Variants in GLT1D1 observed in about 807,000 individuals in gnomAD.
The protein encoded by GLT1D1 is glycosyltransferase 1 domain-containing protein 1.
A neutral mutation model predicts 28.7 loss-of-function variants in GLT1D1; 21 were observed. The observed-to-expected ratio is 0.73, with a 90% CI of 0.52 to 1.05. The LOEUF (loss-of-function observed/expected upper bound fraction) is 1.05. GLT1D1 is among the 50% of genes least tolerant of loss of function. The pLI is 0.00. For synonymous variants in GLT1D1, 147 were observed against 124.8 expected (o/e 1.18, Z -1.19); for missense variants, 343 against 330.6 (o/e 1.04, Z -0.29).
rs1158646264 is a variant in GLT1D1 at position 128,952,535 on chromosome 12, C to T, written c.541-5010C>T. On this transcript the variant is annotated intron_variant, in intron 6 of 7. Coordinates refer to ENST00000281703, the MANE Select transcript of GLT1D1 (RefSeq NM_144669.3). Reference sequence around the variant, plus strand: ...CAGGCTGAAGGGCAATAGCCGATCTCGGCTCACCCCAACCTCCACCTCCCA... The same window carrying T: ...CAGGCTGAAGGGCAATAGCCGATCTTGGCTCACCCCAACCTCCACCTCCCA... 2.7e-5 allele frequency among the ~76,000 whole-genome samples: 4 copies of T among 150,234 alleles called. No individual in the cohort carries two copies. The East Asian group carries it at 7.9e-4, about 30-fold the overall frequency.
At chr12:128,908,842 G>T (rs1007885909) in intron 4 of GLT1D1, among the ~76,000 whole-genome samples, 2 of 152,046 alleles carry the variant, frequency 1.3e-5, no homozygotes, top group Non-Finnish European at 2.9e-5. Context: ...CCAGCTACTC[G>T]GGAGGCTGAG....
intron 3 of GLT1D1, among the ~76,000 whole-genome samples, chr12:128,894,841 C>T (rs1389044687): frequency 1.3e-5 from 2 of 151,434 alleles, no homozygotes; most frequent in Non-Finnish European, 2.9e-5. Context: ...CAGAGCAAGA[C>T]TCCATCTCAA....
chr12:128,875,387 G>T (rs1956847142), intron 1 of GLT1D1, among the ~76,000 whole-genome samples: 1 of 152,236 alleles, frequency 6.6e-6, no homozygotes, highest in African/African-American at 2.4e-5. Context: ...GGGTATCTGA[G>T]ACTGGCAGAT....
At position 128,962,257 on chromosome 12, in the gene GLT1D1, G is replaced by A. The variant is rs140764312; in HGVS notation, c.639+4614G>A. On this transcript the variant is annotated intron_variant, in intron 7 of 7. Coordinates refer to ENST00000281703, the MANE Select transcript of GLT1D1 (RefSeq NM_144669.3). ...TGCAGTGTATAGTGGGATTGGGGCA[G>A]TCAACTGTTCTCCTAGCTGCCTGTT... Among the ~76,000 whole-genome samples, 5 of 152,386 alleles carry A rather than the reference G, an allele frequency of 3.3e-5. No homozygotes were observed. In the East Asian group the frequency reaches 9.6e-4, roughly 29 times the overall value.
chr12:128,857,796 G>C lies in GLT1D1; in HGVS notation c.68+4147G>C, dbSNP rs188923786. On this transcript the variant is annotated intron_variant, in intron 1 of 7. Transcript: ENST00000281703. ...ACTGAATTTAAAGAAAAAAAGAAGG[G>C]GTTCTATTCTTGCACAAGTTGGTCA... Among the ~76,000 whole-genome samples the C allele has an allele frequency of 7.9e-5, 12 of 152,240 alleles. No individual in the cohort carries two copies. In the East Asian group the frequency reaches 2.3e-3, roughly 29 times the overall value.
chr12:128,927,881 T>A (rs1873397762), intron 4 of GLT1D1, among the ~76,000 whole-genome samples: 1 of 149,454 alleles, frequency 6.7e-6, no homozygotes, highest in South Asian at 2.1e-4. Context: ...GTGCCTATAA[T>A]CCCAGCTACT....
At chr12:128,863,233 C>T (rs1381742606) in intron 1 of GLT1D1, among the ~76,000 whole-genome samples, 2 of 152,162 alleles carry the variant, frequency 1.3e-5, no homozygotes, top group Non-Finnish European at 2.9e-5. Flanking sequence ...CGATAGACTG[C>T]TTGGGGAGGC....
intron 1 of GLT1D1, 32 bp downstream of exon 1, chr12:128,853,681 TGGGCCGG>T: frequency 1.9e-6 from 2 of 1,070,304 alleles, no homozygotes; most frequent in Non-Finnish European, 1.1e-6. Context: ...CTACGAAGCC[TGGGCCGG>T]GGGCCGGGGG....
rs28455603 is a variant in GLT1D1, at chr12:128,874,110, C to T, written c.69-1804C>T. Among the ~76,000 whole-genome samples, 188 of 54,538 alleles carry T rather than the reference C, an allele frequency of 3.4e-3. 3 individuals carry two copies. The highest frequency in any genetic ancestry group is 9.9e-3 in the African/African-American group (114 of 11,486). 35.8% of individuals were successfully genotyped at this position (54,538 alleles called of 152,430 possible). A position where few individuals can be genotyped will look rare whatever the true frequency, so the allele number is the denominator to read the frequency against. On this transcript the variant is annotated intron_variant, in intron 1 of 7. Coordinates refer to ENST00000281703, the MANE Select transcript of GLT1D1 (RefSeq NM_144669.3). ...TTTCTTTCTTTCTTTCTCTCTCTCT[C>T]TCTCTCTCTCTCTCTCTTTCTTTCT...
rs148678924 is a variant in GLT1D1, at chr12:128,876,521, G to T, written c.217+459G>T. Among the ~76,000 whole-genome samples, 754 of 151,382 alleles carry T rather than the reference G, an allele frequency of 5.0e-3. 11 individuals are homozygous for T. Among genetic ancestry groups the T allele is most frequent in the African/African-American group, 0.017 (691 of 41,224 alleles). Reference sequence around the variant, plus strand: ...TCAGGGATAGGGTTTCACCCTTGTTGCCCAGGCTGGTCTTGAATTCCTGGG... The same window carrying T: ...TCAGGGATAGGGTTTCACCCTTGTTTCCCAGGCTGGTCTTGAATTCCTGGG... On this transcript the variant is annotated intron_variant, in intron 2 of 7. Coordinates refer to ENST00000281703, the MANE Select transcript of GLT1D1 (RefSeq NM_144669.3).
At chr12:128,858,083 A>G (rs1021895424) in intron 1 of GLT1D1, among the ~76,000 whole-genome samples, 36 of 152,266 alleles carry the variant, frequency 2.4e-4, no homozygotes, top group Middle Eastern at 3.4e-3. Context: ...GAGTTAATAC[A>G]CTTTCAGCGT....
intron 4 of GLT1D1, among the ~76,000 whole-genome samples, chr12:128,935,171 C>T (rs1874412015): frequency 6.6e-6 from 1 of 152,218 alleles, no homozygotes; most frequent in Admixed American, 6.5e-5. Flanking sequence ...AGCCAGGAGG[C>T]AGTTGATATT....
chr12:128,941,404 G>A (rs1875213222), intron 4 of GLT1D1, among the ~76,000 whole-genome samples: 1 of 152,000 alleles, frequency 6.6e-6, no homozygotes, highest in African/African-American at 2.4e-5. Context: ...TGCAATATTG[G>A]GTGGTTGTCA....
intron 6 of GLT1D1, among the ~76,000 whole-genome samples, chr12:128,950,672 T>G (rs554633260): frequency 4.6e-5 from 7 of 152,344 alleles, no homozygotes; most frequent in Non-Finnish European, 1.0e-4. Flanking sequence ...GTCTTATGAC[T>G]GTTCTGCAGG....
chr12:128,978,214 C>A (rs1029999073), intron 7 of GLT1D1, among the ~76,000 whole-genome samples: 4 of 152,116 alleles, frequency 2.6e-5, no homozygotes, highest in African/African-American at 9.7e-5. Flanking sequence ...GGCTTTTCCG[C>A]AGCTCCCAGC....
chr12:128,888,769 A>G, intron 3 of GLT1D1, 25 bp downstream of exon 3: 1 of 1,374,268 alleles, frequency 7.3e-7, no homozygotes, highest in Admixed American at 1.7e-5. Context: ...AATTTCATCC[A>G]TGCCAAACAT....
At chr12:128,867,035 C>A (rs1351381834) in intron 1 of GLT1D1, among the ~76,000 whole-genome samples, 1 of 152,082 alleles carries the variant, frequency 6.6e-6, no homozygotes, top group Non-Finnish European at 1.5e-5. Flanking sequence ...TCCTCCCGAG[C>A]AAAAACCTGC....
At chr12:128,934,117 A>T (rs1054528962) in intron 4 of GLT1D1, among the ~76,000 whole-genome samples, 1 of 149,450 alleles carries the variant, frequency 6.7e-6, no homozygotes. Flanking sequence ...GACACTTTGG[A>T]GGGCTGGAGC....
chr12:128,974,310 G>A (rs78697746), intron 7 of GLT1D1, among the ~76,000 whole-genome samples: 1 of 152,056 alleles, frequency 6.6e-6, no homozygotes, highest in Admixed American at 6.6e-5. Flanking sequence ...AGATGGCAAG[G>A]GCTCTTGCTC....
Sources: allele counts gnomAD v4.1 joint callset (sites outside exome capture counted in the v4.1 genomes callset), GRCh38; gene constraint gnomAD v4.1.1; transcripts MANE v1.5; gene names NCBI Gene and HGNC (gene_info 2026-07-23, HGNC 2026-07-21).